Variants in FRY observed in about 807,000 individuals in gnomAD.
FRY encodes the protein FRY microtubule binding protein.
A neutral mutation model predicts 348.4 loss-of-function variants in FRY; 128 were observed. The observed-to-expected ratio is 0.37, with a 90% CI of 0.32 to 0.43. The LOEUF (loss-of-function observed/expected upper bound fraction) is 0.43. FRY is among the 20% of genes least tolerant of loss of function. The probability of loss-of-function intolerance (pLI) is 1.00; values close to 1 mark genes in which losing one functional copy is unlikely to be tolerated. For missense variants in FRY, 2,736 were observed against 3,695.2 expected, an observed-to-expected ratio of 0.74 and a Z score of 6.73; for synonymous variants, 1,370 against 1,374.7, an observed-to-expected ratio of 1.00 and a Z score of 0.08.
At chr13:32,072,695 T>C (rs1874745678) in intron 1 of FRY, among the ~76,000 whole-genome samples, 1 of 152,186 alleles carries the variant, frequency 6.6e-6, no homozygotes, top group African/African-American at 2.4e-5. Context: ...TTATGTTTTA[T>C]GAAATGTTCC....
At chr13:32,227,809 C>T (rs1327336366) in intron 39 of FRY, among the ~76,000 whole-genome samples, 47 of 148,776 alleles carry the variant, frequency 3.2e-4, no homozygotes, top group East Asian at 1.4e-3. Flanking sequence ...TGGAGCGCAG[C>T]GGCGCGATCT....
intron 8 of FRY, among the ~76,000 whole-genome samples, chr13:32,133,764 C>CTTTTTTTTTTTT (rs1259372646): frequency 2.4e-4 from 26 of 108,472 alleles, no homozygotes; most frequent in South Asian, 3.0e-4. Context: ...TTCTTTCTTT[C>CTTTTTTTTTTTT]TTTCTTTTTT....
chr13:32,100,439 C>T (rs1034852421), intron 2 of FRY, among the ~76,000 whole-genome samples: 36 of 151,960 alleles, frequency 2.4e-4, no homozygotes, highest in African/African-American at 8.5e-4. Flanking sequence ...ATAAATTTTA[C>T]GGTTTTTATT....
chr13:32,062,782 C>T (rs1385862304), intron 1 of FRY, among the ~76,000 whole-genome samples: 2 of 152,024 alleles, frequency 1.3e-5, no homozygotes, highest in African/African-American at 4.8e-5. Flanking sequence ...GTTTATTGAG[C>T]TTCTGTTGTA....
chr13:32,229,426 G>A (rs1403444267), intron 40 of FRY, among the ~76,000 whole-genome samples: 4 of 152,100 alleles, frequency 2.6e-5, no homozygotes, highest in Admixed American at 2.6e-4. Flanking sequence ...ATCAATTAAT[G>A]CAAACAATAA....
chr13:32,201,747 A>G (rs1295461019), intron 29 of FRY, among the ~76,000 whole-genome samples, 194 bp from the exon 30 acceptor site: 1 of 152,174 alleles, frequency 6.6e-6, no homozygotes, highest in South Asian at 2.1e-4. Context: ...TTAATTTTAA[A>G]CCAAAATAAA....
At chr13:32,031,911 T>TTA in intron 1 of FRY, 46 bp downstream of exon 1, 1 of 1,071,376 alleles carries the variant, frequency 9.3e-7, no homozygotes, top group South Asian at 1.3e-5. Context: ...TTGCTGGATG[T>TTA]TGCATAAGGC....
chr13:32,178,781 T>G, intron 21 of FRY, 63 bp from the exon 22 acceptor site: 1 of 1,096,078 alleles, frequency 9.1e-7, no homozygotes, highest in Admixed American at 1.7e-5. Flanking sequence ...GATCTTTATT[T>G]AATAAGTGAT....
Position 32,231,868 on chromosome 13 carries a change from G to A in FRY, c.5527+568G>A, listed in dbSNP as rs114098632. Among the ~76,000 whole-genome samples, 674 of 152,240 alleles carry A rather than the reference G, an allele frequency of 4.4e-3. 4 individuals carry two copies. Among genetic ancestry groups the A allele is most frequent in the African/African-American group, 0.016 (648 of 41,540 alleles). On this transcript the variant is annotated intron_variant, in intron 41 of 60. Coordinates refer to ENST00000542859, the MANE Select transcript of FRY (RefSeq NM_023037.3). Reference sequence around the variant, plus strand: ...TGATTTGTGTGTGAAACTTAAATCCGGTTTCTCAACATGTTGTAAAACCAT... The same window carrying A: ...TGATTTGTGTGTGAAACTTAAATCCAGTTTCTCAACATGTTGTAAAACCAT...
chr13:32,166,893 T>C (rs1881770050), intron 17 of FRY, among the ~76,000 whole-genome samples: 1 of 152,172 alleles, frequency 6.6e-6, no homozygotes, highest in Admixed American at 6.5e-5. Context: ...CTGGTCTTCT[T>C]CCTCCAGGAA....
chr13:32,227,433 T>C (rs1885639364), intron 39 of FRY, among the ~76,000 whole-genome samples: 1 of 152,206 alleles, frequency 6.6e-6, no homozygotes, highest in Non-Finnish European at 1.5e-5. Flanking sequence ...TCCTCACTTC[T>C]AATTCAGTAT....
chr13:32,186,439 AC>A lies in FRY; in HGVS notation c.3480+20del. The A allele has an allele frequency of 6.6e-7, 1 of 1,508,618 alleles. No individual in the cohort carries two copies. The highest frequency in any genetic ancestry group is 9.2e-7 in the Non-Finnish European group (1 of 1,083,768). The allele number at this position is 1,508,618 out of a possible 1,614,324, so 93.5% of individuals were successfully genotyped here. On this transcript the variant is annotated intron_variant, in intron 27 of 60. Transcript: ENST00000542859. ...ATTAAAAGTAGGTGATATTGTACTC[AC>A]GAATGACTGAGTCAGATGGATGGTC...
chr13:32,276,585 A>G (rs757966807), intron 57 of FRY, 23 bp downstream of exon 57: 9 of 1,235,640 alleles, frequency 7.3e-6, no homozygotes, highest in Non-Finnish European at 1.1e-5. Flanking sequence ...GTTTCTATGC[A>G]TATGCAGTCA....
At chr13:32,268,461 A>G (rs956454904) in intron 55 of FRY, among the ~76,000 whole-genome samples, 4 of 133,420 alleles carry the variant, frequency 3.0e-5, no homozygotes, top group African/African-American at 5.6e-5. Context: ...TGGTTACCAT[A>G]TTATAGTTAA....
At chr13:32,122,020 A>G (rs182865122) in intron 4 of FRY, among the ~76,000 whole-genome samples, 8 of 152,278 alleles carry the variant, frequency 5.3e-5, no homozygotes, top group Admixed American at 5.2e-4. Flanking sequence ...TCCCAGCACC[A>G]TTTGTTGAAA....
chr13:32,114,781 A>T (rs1362798359), intron 3 of FRY, among the ~76,000 whole-genome samples: 1 of 152,210 alleles, frequency 6.6e-6, no homozygotes, highest in Non-Finnish European at 1.5e-5. Context: ...TCGGAAAGTA[A>T]ATATCCTTTC....
Position 32,247,318 on chromosome 13 carries a change from T to G in FRY, c.6829-5T>G. ...TTTAACCCTTGAATGTTTTATTTCC[T>G]GCAGAGTGTTCACTGGAGAGAAGCT... On this transcript the variant is annotated splice_polypyrimidine_tract_variant and splice_region_variant and intron_variant, in intron 47 of 60. Coordinates refer to ENST00000542859, the MANE Select transcript of FRY (RefSeq NM_023037.3). 6.2e-7 allele frequency: 1 copy of G among 1,610,156 alleles called. No homozygotes were observed. The highest frequency in any genetic ancestry group is 1.3e-5 in the African/African-American group (1 of 74,988).
intron 35 of FRY, among the ~76,000 whole-genome samples, chr13:32,215,128 C>G (rs1884913404): frequency 6.6e-6 from 1 of 152,110 alleles, no homozygotes; most frequent in Admixed American, 6.5e-5. Flanking sequence ...AAAACTACAA[C>G]TTAACATTAA....
intron 1 of FRY, among the ~76,000 whole-genome samples, chr13:32,046,711 A>G (rs554535024): frequency 6.6e-6 from 1 of 152,288 alleles, no homozygotes; most frequent in African/African-American, 2.4e-5. Flanking sequence ...CCACACTACA[A>G]AGCAACACAG....
Sources: gnomAD v4.1 joint callset for allele counts (sites outside exome capture counted in the v4.1 genomes callset) on GRCh38, gnomAD v4.1.1 for gene constraint, MANE v1.5 for transcripts, NCBI Gene and HGNC (gene_info 2026-07-23, HGNC 2026-07-21) for gene names.